RAB39A: variants seen among roughly 807,000 people sequenced by gnomAD.
RAB39A encodes the protein RAB39A, member RAS oncogene family, also known as ras-related protein Rab-39A.
A neutral mutation model predicts 20.9 loss-of-function variants in RAB39A; 17 were observed. That is an observed-to-expected ratio of 0.81 (90% confidence interval 0.56 to 1.22). RAB39A has a LOEUF of 1.22. Ranked by LOEUF, RAB39A falls within the 50% of genes most tolerant of loss-of-function variation. RAB39A has a pLI of 0.00. For synonymous variants in RAB39A, 99 were observed against 103.4 expected (o/e 0.96, Z 0.26); for missense variants, 234 against 270.5 (o/e 0.87, Z 0.95).
intron 1 of RAB39A, among the ~76,000 whole-genome samples, chr11:107,960,087 A>G (rs1316250324): frequency 6.6e-6 from 1 of 152,002 alleles, no homozygotes; most frequent in Non-Finnish European, 1.5e-5. Context: ...GCATGCGCCT[A>G]TAGTCCCAGC....
chr11:107,942,696 C>T (rs973476014), intron 1 of RAB39A, among the ~76,000 whole-genome samples: 1 of 152,024 alleles, frequency 6.6e-6, no homozygotes, highest in Admixed American at 6.6e-5. Context: ...TAGTGGTTTG[C>T]ACAAGAACCT....
chr11:107,957,905 C>CT (rs995786579), intron 1 of RAB39A, among the ~76,000 whole-genome samples: 8 of 146,544 alleles, frequency 5.5e-5, no homozygotes, highest in African/African-American at 7.6e-5. Flanking sequence ...TTTTTTCTTT[C>CT]TTTTTTTTGA....
chr11:107,949,217 A>G (rs1036435403), intron 1 of RAB39A, among the ~76,000 whole-genome samples: 1 of 152,102 alleles, frequency 6.6e-6, no homozygotes, highest in African/African-American at 2.4e-5. Context: ...AGGCTGAGGC[A>G]GGAGAATTGC....
At chr11:107,948,998 A>G in intron 1 of RAB39A, among the ~76,000 whole-genome samples, 1 of 152,162 alleles carries the variant, frequency 6.6e-6, no homozygotes, top group Admixed American at 6.6e-5. Context: ...CTACAGTAAC[A>G]AACAACCCAA....
chr11:107,952,793 G>T (rs1861394722), intron 1 of RAB39A, among the ~76,000 whole-genome samples: 1 of 152,216 alleles, frequency 6.6e-6, no homozygotes, highest in Admixed American at 6.5e-5. Context: ...TGAGGCAAGA[G>T]AATCACTTGA....
At chr11:107,938,501 G>A (rs532752563) in intron 1 of RAB39A, among the ~76,000 whole-genome samples, 6 of 149,206 alleles carry the variant, frequency 4.0e-5, no homozygotes, top group Non-Finnish European at 7.4e-5. Context: ...AGGCCAAAGC[G>A]AGTGGATCTC....
intron 1 of RAB39A, among the ~76,000 whole-genome samples, chr11:107,946,777 A>G (rs941467948): frequency 2.2e-4 from 33 of 151,170 alleles, no homozygotes; most frequent in African/African-American, 7.8e-4. Flanking sequence ...CCCAGCCGAT[A>G]CTATTTTTTT....
chr11:107,936,120 G>A (rs151138846), intron 1 of RAB39A, among the ~76,000 whole-genome samples: 180 of 151,932 alleles, frequency 1.2e-3, no homozygotes, highest in African/African-American at 4.0e-3. Context: ...GGCTGGTCTC[G>A]AATTCCTGAC....
chr11:107,961,727 T>C (rs1166885274), intron 1 of RAB39A, among the ~76,000 whole-genome samples: 1 of 152,250 alleles, frequency 6.6e-6, no homozygotes, highest in African/African-American at 2.4e-5. Context: ...TTTGTCTAAC[T>C]AAAAATAACT....
intron 1 of RAB39A, among the ~76,000 whole-genome samples, chr11:107,948,776 C>T (rs1439008892): frequency 1.3e-5 from 2 of 152,058 alleles, no homozygotes; most frequent in African/African-American, 4.8e-5. Context: ...GTATACTTAC[C>T]ACACATCCTC....
Position 107,928,646 on chromosome 11 carries a change from C to T in RAB39A, c.78C>T (p.His26=), listed in dbSNP as rs1275157090. Residue 26 remains histidine (H), a synonymous_variant, in exon 1 of 2, where the codon CAC becomes CAT. Transcript: ENST00000320578. This position sits in a 1 kb window ranked among gnomAD's most constrained non-coding sequence, Gnocchi z 4.9. ...DSTVGKSCLL[H]RFTQGRFPGL... is the part of the protein sequence containing the mutation. Reference sequence around the variant, plus strand: ...CCGTGGGCAAGTCCTGCCTCCTGCACCGCTTCACCCAGGGCCGCTTCCCCG... The same window carrying T: ...CCGTGGGCAAGTCCTGCCTCCTGCATCGCTTCACCCAGGGCCGCTTCCCCG... 1.9e-6 allele frequency: 3 copies of T among 1,611,778 alleles called. No individual in the cohort carries two copies. The highest frequency in any genetic ancestry group is 2.5e-6 in the Non-Finnish European group (3 of 1,178,480).
At chr11:107,945,914 C>A (rs1428754883) in intron 1 of RAB39A, among the ~76,000 whole-genome samples, 1 of 152,140 alleles carries the variant, frequency 6.6e-6, no homozygotes, top group Non-Finnish European at 1.5e-5. Flanking sequence ...CTAAAACTGT[C>A]TAGCCCCCTT....
At chr11:107,929,193 A>C (rs1023281528) in intron 1 of RAB39A, among the ~76,000 whole-genome samples, 1 of 152,038 alleles carries the variant, frequency 6.6e-6, no homozygotes, top group African/African-American at 2.4e-5. Flanking sequence ...TCCTCCAAGC[A>C]GGCGCCCCTT....
At chr11:107,961,399 C>T (rs933534396) in intron 1 of RAB39A, among the ~76,000 whole-genome samples, 2 of 152,108 alleles carry the variant, frequency 1.3e-5, no homozygotes, top group African/African-American at 4.8e-5. Context: ...ACCTAAATTA[C>T]ATCCCAAAGG....
chr11:107,956,821 A>G (rs1232766635), intron 1 of RAB39A, among the ~76,000 whole-genome samples: 1 of 152,208 alleles, frequency 6.6e-6, no homozygotes, highest in Non-Finnish European at 1.5e-5. Flanking sequence ...AATATGACAG[A>G]GGGAAAGAGG....
chr11:107,946,432 G>A (rs35879973), intron 1 of RAB39A, among the ~76,000 whole-genome samples: 527 of 21,108 alleles, frequency 0.025, 3 homozygotes, highest in Middle Eastern at 0.036. Context: ...GTGTGTGTGT[G>A]TGTGTATATA....
At chr11:107,944,082 G>A (rs1861285655) in intron 1 of RAB39A, among the ~76,000 whole-genome samples, 1 of 150,998 alleles carries the variant, frequency 6.6e-6, no homozygotes, top group South Asian at 2.1e-4. Flanking sequence ...GCGACACAGT[G>A]AGACTCCATC....
chr11:107,936,445 A>C (rs1171475139), intron 1 of RAB39A, among the ~76,000 whole-genome samples: 1 of 151,302 alleles, frequency 6.6e-6, no homozygotes, highest in Admixed American at 6.6e-5. Context: ...TGGCTACCGC[A>C]TGTGTCTGTT....
chr11:107,962,467 A>T lies in RAB39A; in HGVS notation c.*95A>T, dbSNP rs543475271. ...GCAGAATGATGCAATGAAAGAATTTAAAAAGGTTACAAACCCACACCAATA... is the reference window on the plus strand; with the variant it reads ...GCAGAATGATGCAATGAAAGAATTTTAAAAGGTTACAAACCCACACCAATA... On this transcript the variant is annotated 3_prime_UTR_variant, in exon 2 of 2. Coordinates refer to ENST00000320578, the MANE Select transcript of RAB39A (RefSeq NM_017516.3). 15 of 1,226,806 alleles carry T rather than the reference A, an allele frequency of 1.2e-5. No individual in the cohort carries two copies. In the South Asian group the frequency reaches 1.7e-4, roughly 14 times the overall value. The allele number at this position is 1,226,806 out of a possible 1,614,324, so 76.0% of individuals were successfully genotyped here. A position where few individuals can be genotyped will look rare whatever the true frequency, so the allele number is the denominator to read the frequency against.
Sources: gnomAD v4.1 joint callset for allele counts (sites outside exome capture counted in the v4.1 genomes callset) on GRCh38, gnomAD v4.1.1 for gene constraint, Gnocchi (gnomAD v3.1) non-coding constraint, MANE v1.5 for transcripts, NCBI Gene and HGNC (gene_info 2026-07-23, HGNC 2026-07-21) for gene names.